Variants in CPNE8 observed in about 807,000 individuals in gnomAD.
The protein encoded by CPNE8 is copine 8.
A neutral mutation model predicts 81.5 loss-of-function variants in CPNE8; 45 were observed. The ratio of observed to expected loss-of-function variants is 0.55; its 90% CI spans 0.44 to 0.71. The LOEUF is 0.71. Ranked by LOEUF, CPNE8 falls within the 30% of genes least tolerant of loss-of-function variation. The pLI is 0.00. For missense variants in CPNE8, 594 were observed against 672.1 expected (o/e 0.88, Z 1.28); for synonymous variants, 252 against 226.3 (o/e 1.11, Z -1.02).
chr12:38,687,771 G>A (rs570101050), intron 15 of CPNE8, among the ~76,000 whole-genome samples: 5 of 152,004 alleles, frequency 3.3e-5, no homozygotes, highest in Non-Finnish European at 7.4e-5. Context: ...GTGACAGAGG[G>A]ATTTATATCC....
chr12:38,894,893 A>G (rs1944368175), intron 1 of CPNE8, among the ~76,000 whole-genome samples: 1 of 152,092 alleles, frequency 6.6e-6, no homozygotes, highest in Non-Finnish European at 1.5e-5. Flanking sequence ...GTTATAGGAG[A>G]TGGATGCAAT....
intron 3 of CPNE8, among the ~76,000 whole-genome samples, chr12:38,858,241 A>C (rs114718336): frequency 0.023 from 3,543 of 152,316 alleles, 135 homozygotes; most frequent in African/African-American, 0.081. Flanking sequence ...TTTTTCCTCC[A>C]TATAAAGCCA....
At chr12:38,844,776 A>G (rs1224402071) in intron 4 of CPNE8, among the ~76,000 whole-genome samples, 1 of 152,102 alleles carries the variant, frequency 6.6e-6, no homozygotes, top group Non-Finnish European at 1.5e-5. Context: ...CATTTCTAAA[A>G]CCTGTTATAA....
intron 6 of CPNE8, among the ~76,000 whole-genome samples, chr12:38,799,403 T>C (rs1230497514): frequency 4.6e-5 from 7 of 152,028 alleles, no homozygotes; most frequent in African/African-American, 1.7e-4. Context: ...CACTCTAAAC[T>C]GCTCAACTAC....
At chr12:38,837,791 G>A (rs1405733168) in intron 5 of CPNE8, among the ~76,000 whole-genome samples, 1 of 152,034 alleles carries the variant, frequency 6.6e-6, no homozygotes. Flanking sequence ...AGTTTAAGCA[G>A]AATTGAAAAC....
At chr12:38,713,091 C>T (rs1405322213) in intron 13 of CPNE8, among the ~76,000 whole-genome samples, 1 of 152,110 alleles carries the variant, frequency 6.6e-6, no homozygotes, top group Non-Finnish European at 1.5e-5. Context: ...ACAGGTTATG[C>T]TAGCAAGAGG....
rs1942097760 is a variant in CPNE8, at chr12:38,783,387, A to C, written c.408-7086T>G. 2.0e-5 allele frequency among the ~76,000 whole-genome samples: 3 copies of C among 152,204 alleles called. No homozygotes were observed. In the South Asian group the frequency reaches 6.2e-4, roughly 31 times the overall value. ...GAGGCACTGAAGAACTAAGAAAATC[A>C]GTCTTGAATCACCAGTGTCACCCCT... is the stretch of plus-strand genomic sequence containing the variant. On this transcript the variant is annotated intron_variant, in intron 6 of 19. Coordinates refer to ENST00000331366, the MANE Select transcript of CPNE8 (RefSeq NM_153634.3).
chr12:38,687,029 A>G (rs1415063254), intron 15 of CPNE8, among the ~76,000 whole-genome samples: 1 of 152,230 alleles, frequency 6.6e-6, no homozygotes, highest in Non-Finnish European at 1.5e-5. Context: ...TTTTTTATGC[A>G]CTAGTGATAC....
intron 10 of CPNE8, among the ~76,000 whole-genome samples, chr12:38,747,544 A>T (rs549932496): frequency 2.4e-4 from 37 of 152,280 alleles, no homozygotes; most frequent in African/African-American, 8.4e-4. Flanking sequence ...TTTTAAGATT[A>T]TCCAGGGATA....
At chr12:38,680,591 T>C (rs1300141280) in intron 16 of CPNE8, among the ~76,000 whole-genome samples, 2 of 152,038 alleles carry the variant, frequency 1.3e-5, no homozygotes, top group African/African-American at 4.8e-5. Context: ...GTTTGAATTT[T>C]AGCTCTACCA....
chr12:38,757,161 A>C (rs1592064295), intron 10 of CPNE8, among the ~76,000 whole-genome samples: 1 of 152,274 alleles, frequency 6.6e-6, no homozygotes, highest in East Asian at 1.9e-4. Flanking sequence ...AATAAGAAGA[A>C]TTAAAAGTTC....
intron 6 of CPNE8, among the ~76,000 whole-genome samples, chr12:38,789,644 C>T (rs1438840610): frequency 6.6e-6 from 1 of 151,750 alleles, no homozygotes; most frequent in Non-Finnish European, 1.5e-5. Flanking sequence ...AAACAATCAA[C>T]TCAGGGAAGA....
chr12:38,896,836 C>CA (rs928337613), intron 1 of CPNE8, among the ~76,000 whole-genome samples: 1 of 152,088 alleles, frequency 6.6e-6, no homozygotes, highest in Non-Finnish European at 1.5e-5. Context: ...TGTGGCTCCC[C>CA]AAATTGACTA....
intron 1 of CPNE8, among the ~76,000 whole-genome samples, chr12:38,899,900 A>G (rs2137161864): frequency 6.6e-6 from 1 of 152,306 alleles, no homozygotes; most frequent in South Asian, 2.1e-4. Context: ...TTGGGAAGAG[A>G]ACAGAAGCAC....
intron 8 of CPNE8, among the ~76,000 whole-genome samples, chr12:38,765,016 A>C (rs1367743018): frequency 6.6e-6 from 1 of 152,202 alleles, no homozygotes; most frequent in East Asian, 1.9e-4. Context: ...TCCTAGTGTC[A>C]CCAGCTGCAG....
chr12:38,653,978 C>A lies in CPNE8; in HGVS notation c.1599G>T (p.Glu533Asp). The change falls in exon 20 of 20, where the codon GAG (glutamate) becomes GAT (aspartate). Residue 533 changes from glutamate (E) to aspartate (D), a missense_variant. By Grantham distance (45) the Glu-to-Asp change is conservative. Coordinates refer to ENST00000331366, the MANE Select transcript of CPNE8 (RefSeq NM_153634.3). ...GGGCTCTCATATAGGAGAGAAACTG[C>A]TCAGGGATCTCAGCTAGGACATCTT... ...LAKDVLAEIP[E>D]QFLSYMRARG... 2 of 1,613,648 alleles carry A rather than the reference C, an allele frequency of 1.2e-6. No individual in the cohort carries two copies. The highest frequency in any genetic ancestry group is 1.7e-6 in the Non-Finnish European group (2 of 1,179,882).
At chr12:38,698,804 G>A (rs1384551581) in intron 14 of CPNE8, among the ~76,000 whole-genome samples, 1 of 152,150 alleles carries the variant, frequency 6.6e-6, no homozygotes, top group African/African-American at 2.4e-5. Context: ...TTGCTTTGTA[G>A]TAAGTTTTAA....
chr12:38,834,305 C>A (rs916251816), intron 5 of CPNE8, among the ~76,000 whole-genome samples: 1 of 152,196 alleles, frequency 6.6e-6, no homozygotes, highest in South Asian at 2.1e-4. Flanking sequence ...CATTTGGATG[C>A]TTACTGGGGG....
intron 4 of CPNE8, among the ~76,000 whole-genome samples, chr12:38,842,821 G>A (rs534593141): frequency 1.6e-4 from 24 of 151,734 alleles, no homozygotes; most frequent in Admixed American, 3.3e-4. Context: ...CAAGTAATCC[G>A]CCCCCCTCAG....
Sources: allele counts gnomAD v4.1 joint callset (sites outside exome capture counted in the v4.1 genomes callset), GRCh38; gene constraint gnomAD v4.1.1; transcripts MANE v1.5; gene names NCBI Gene and HGNC (gene_info 2026-07-23, HGNC 2026-07-21).